HDHD2: variants seen among roughly 807,000 people sequenced by gnomAD.
The protein encoded by HDHD2 is haloacid dehalogenase like hydrolase domain containing 2, also known as haloacid dehalogenase-like hydrolase domain-containing protein 2.
HDHD2 carries 26 observed loss-of-function variants against 24.8 expected under a neutral mutation model. The observed-to-expected ratio is 1.05, with a 90% CI of 0.77 to 1.45. The LOEUF is 1.45. HDHD2 is among the 40% of genes most tolerant of loss of function. The probability of loss-of-function intolerance (pLI) is 0.00; values close to 1 mark genes in which losing one functional copy is unlikely to be tolerated. For missense variants in HDHD2, 299 were observed against 313.4 expected (o/e 0.95, Z 0.35); for synonymous variants, 128 against 114.9 (o/e 1.11, Z -0.73).
intron 1 of HDHD2, among the ~76,000 whole-genome samples, chr18:47,146,907 C>A (rs1021010189): frequency 3.3e-4 from 50 of 152,086 alleles, no homozygotes; most frequent in Non-Finnish European, 5.6e-4. Flanking sequence ...GCAAAGGGAG[C>A]CTCTAAGGTC....
chr18:47,109,911 G>C (rs1196081263), intron 6 of HDHD2: 2 of 908,010 alleles, frequency 2.2e-6, no homozygotes, highest in African/African-American at 3.6e-5. Context: ...ACCTAACATA[G>C]TGACTAGCAC....
At chr18:47,141,906 T>C (rs1474540237) in intron 1 of HDHD2, among the ~76,000 whole-genome samples, 2 of 152,230 alleles carry the variant, frequency 1.3e-5, no homozygotes, top group African/African-American at 4.8e-5. Flanking sequence ...GGGAGGTAAT[T>C]GAATCATGGG....
chr18:47,133,067 A>G (rs1004834254), intron 3 of HDHD2, among the ~76,000 whole-genome samples: 1 of 152,130 alleles, frequency 6.6e-6, no homozygotes, highest in Non-Finnish European at 1.5e-5. Flanking sequence ...ACATATGTAT[A>G]CATGTGCCAT....
intron 3 of HDHD2, among the ~76,000 whole-genome samples, chr18:47,131,541 T>G (rs1599946817): frequency 6.6e-6 from 1 of 152,208 alleles, no homozygotes; most frequent in Non-Finnish European, 1.5e-5. Flanking sequence ...GAGCACTGGG[T>G]TGTCATTACT....
chr18:47,146,062 T>A (rs562144251), intron 1 of HDHD2, among the ~76,000 whole-genome samples: 1 of 151,868 alleles, frequency 6.6e-6, no homozygotes, highest in African/African-American at 2.4e-5. Flanking sequence ...TGAAACCCTG[T>A]CTCTACAAAT....
At chr18:47,147,549 C>T (rs2063884324) in intron 1 of HDHD2, among the ~76,000 whole-genome samples, 2 of 152,186 alleles carry the variant, frequency 1.3e-5, no homozygotes, top group South Asian at 4.1e-4. Flanking sequence ...AAAATTGCTT[C>T]TCTCAAAACC....
At chr18:47,108,806 G>GTGTTTACTGGCTT in intron 6 of HDHD2, 21 bp from the exon 7 acceptor site, 1 of 1,448,914 alleles carries the variant, frequency 6.9e-7, no homozygotes, top group Non-Finnish European at 9.7e-7. Context: ...AGTAAAGCCA[G>GTGTTTACTGGCTT]TAAACACAGG....
intron 4 of HDHD2, among the ~76,000 whole-genome samples, chr18:47,121,497 A>G (rs535082930): frequency 6.6e-6 from 1 of 152,304 alleles, no homozygotes; most frequent in African/African-American, 2.4e-5. Context: ...TTACTCTTTC[A>G]CCTGAACTGT....
chr18:47,113,182 T>C (rs2063529875), intron 5 of HDHD2, 142 bp from the exon 6 acceptor site: 1 of 701,532 alleles, frequency 1.4e-6, no homozygotes. Context: ...ATGTAAAAGG[T>C]GAATCCACAT....
chr18:47,108,515 G>A lies in HDHD2; in HGVS notation c.*167C>T. 2.1e-6 allele frequency: 1 copy of A among 471,784 alleles called. No homozygotes were observed. The allele number at this position is 471,784 out of a possible 1,614,324, so 29.2% of individuals were successfully genotyped here. On this transcript the variant is annotated 3_prime_UTR_variant, in exon 7 of 7. Coordinates refer to ENST00000300605, the MANE Select transcript of HDHD2 (RefSeq NM_032124.5). The stretch of plus-strand genomic sequence containing the variant: ...TAAAAGAGATTAGCAAGGCTTACTG[G>A]CTAGCCGCAATTCAATACCTTTCTT...
intron 1 of HDHD2, 101 bp from the exon 2 acceptor site, chr18:47,136,550 T>C (rs2063768026): frequency 2.2e-6 from 2 of 924,652 alleles, no homozygotes; most frequent in Non-Finnish European, 3.1e-6. Context: ...AGAAAGATCC[T>C]GCTTAGTGTT....
In HDHD2 at chr18:47,120,799, T is replaced by C. The variant is rs180833334; in HGVS notation, c.396-5451A>G. On this transcript the variant is annotated intron_variant, in intron 4 of 6. Transcript: ENST00000300605. ...ATCAATTGGCCTAATCTGAGCATCA[T>C]TGTGTCTCAGGGAATAGGGAGGCCA... Among the ~76,000 whole-genome samples, 26 of 152,240 alleles carry C rather than the reference T, an allele frequency of 1.7e-4. No individual in the cohort carries two copies. In the East Asian group the frequency reaches 2.7e-3, roughly 16 times the overall value.
intron 5 of HDHD2, among the ~76,000 whole-genome samples, chr18:47,114,859 A>T (rs910682389): frequency 6.6e-6 from 1 of 151,256 alleles, no homozygotes; most frequent in Non-Finnish European, 1.5e-5. Context: ...AAATATATAT[A>T]TATTATAGGA....
At chr18:47,146,002 C>T (rs1051352221) in intron 1 of HDHD2, among the ~76,000 whole-genome samples, 6 of 151,890 alleles carry the variant, frequency 4.0e-5, no homozygotes, top group South Asian at 2.1e-4. Flanking sequence ...GAAGCCAAGG[C>T]GGGTGGATGA....
At chr18:47,128,439 G>T (rs752486080) in intron 4 of HDHD2, among the ~76,000 whole-genome samples, 2 of 152,168 alleles carry the variant, frequency 1.3e-5, no homozygotes, top group Non-Finnish European at 2.9e-5. Context: ...ACTGATATTG[G>T]TATAGTTGTA....
At chr18:47,116,516 A>G (rs1599926156) in intron 4 of HDHD2, among the ~76,000 whole-genome samples, 1 of 152,318 alleles carries the variant, frequency 6.6e-6, no homozygotes, top group Admixed American at 6.5e-5. Context: ...GTAAAAACCA[A>G]TACTATTACA....
chr18:47,133,931 G>A (rs1329167849), intron 3 of HDHD2, among the ~76,000 whole-genome samples: 3 of 152,158 alleles, frequency 2.0e-5, no homozygotes, highest in Non-Finnish European at 2.9e-5. Context: ...TAGGTTGCCT[G>A]TTCACTCTGA....
intron 5 of HDHD2, 89 bp from the exon 6 acceptor site, chr18:47,113,129 C>T (rs539409695): frequency 9.6e-7 from 1 of 1,036,458 alleles, no homozygotes; most frequent in East Asian, 2.4e-5. Flanking sequence ...GCTAGGGTGT[C>T]CAACTGTAAT....
intron 1 of HDHD2, among the ~76,000 whole-genome samples, chr18:47,137,689 T>C (rs1251776750): frequency 1.3e-5 from 2 of 152,190 alleles, no homozygotes; most frequent in African/African-American, 4.8e-5. Flanking sequence ...GCATATCTTG[T>C]TCAATTGGAG....
Sources: allele counts gnomAD v4.1 joint callset (sites outside exome capture counted in the v4.1 genomes callset), GRCh38; gene constraint gnomAD v4.1.1; transcripts MANE v1.5; gene names NCBI Gene and HGNC (gene_info 2026-07-23, HGNC 2026-07-21).